GSE1: variants seen among roughly 807,000 people sequenced by gnomAD.
GSE1 encodes the protein Gse1 coiled-coil protein.
GSE1 carries 32 observed loss-of-function variants against 112.6 expected under a neutral mutation model. The ratio of observed to expected loss-of-function variants is 0.28; its 90% CI spans 0.21 to 0.38. GSE1 has a LOEUF of 0.38. Among genes scored for constraint, GSE1 ranks in the 10% least tolerant of loss-of-function variants. The probability of loss-of-function intolerance (pLI) is 1.00; values close to 1 mark genes in which losing one functional copy is unlikely to be tolerated. For synonymous variants in GSE1, 1,115 were observed against 735.6 expected, an observed-to-expected ratio of 1.52 and a Z score of -8.35; for missense variants, 2,348 against 1,699.2, an observed-to-expected ratio of 1.38 and a Z score of -6.71.
At chr16:85,487,434 C>T (rs916020548) in intron 2 of GSE1, among the ~76,000 whole-genome samples, 4 of 152,170 alleles carry the variant, frequency 2.6e-5, no homozygotes, top group African/African-American at 9.7e-5. Flanking sequence ...GCATGGTCTA[C>T]GTTCGCACCT....
chr16:85,203,141 C>T (rs1408774341), intron 1 of GSE1, among the ~76,000 whole-genome samples: 2 of 152,194 alleles, frequency 1.3e-5, no homozygotes, highest in African/African-American at 4.8e-5. Flanking sequence ...GGTGCCTGTG[C>T]TCTGAGCTCA....
intron 1 of GSE1, among the ~76,000 whole-genome samples, chr16:85,571,644 A>C (rs2045985209): frequency 6.6e-6 from 1 of 152,204 alleles, no homozygotes; most frequent in African/African-American, 2.4e-5. Context: ...AGGGACCTGG[A>C]GCAGGGACCT....
At chr16:85,369,744 A>T (rs1421074557) in intron 2 of GSE1, among the ~76,000 whole-genome samples, 1 of 151,730 alleles carries the variant, frequency 6.6e-6, no homozygotes. Context: ...AGCCTAACAC[A>T]CTCTCCCTGG....
At chr16:85,435,166 G>A (rs1460225401) in intron 2 of GSE1, among the ~76,000 whole-genome samples, 3 of 152,236 alleles carry the variant, frequency 2.0e-5, no homozygotes, top group Non-Finnish European at 4.4e-5. Context: ...GGCAGGCTGA[G>A]ATGTGGCAGC....
At position 85,294,244 on chromosome 16, in the gene GSE1, T is replaced by C. The variant is rs544172224; in HGVS notation, c.2284-63219T>C. On this transcript the variant is annotated intron_variant, in intron 1 of 2. Coordinates refer to the GSE1 transcript ENST00000637419. ...AAAACCTGATGCTTCCTTTAGACTT[T>C]CAGGGCATATGGCTCCAGTCAGAGT... Among the ~76,000 whole-genome samples the C allele has an allele frequency of 2.9e-4, 44 of 152,330 alleles. 1 individual carries two copies. The highest frequency in any genetic ancestry group is 5.4e-4 in the Non-Finnish European group (37 of 68,026).
chr16:85,249,388 C>T lies in GSE1; in HGVS notation c.2283+77581C>T, dbSNP rs903749353. ...GAGGACTGTGGCACTTGCGGAGGCC[C>T]AGTCGGGCCAGCACTCTGTGGGCCT... On this transcript the variant is annotated intron_variant, in intron 1 of 2. Transcript: ENST00000637419. 3.3e-5 allele frequency among the ~76,000 whole-genome samples: 5 copies of T among 152,232 alleles called. No homozygotes were observed. In the East Asian group the frequency reaches 9.6e-4, roughly 29 times the overall value.
chr16:85,554,819 C>A (rs1463345971), upstream of GSE1: 6 of 940,100 alleles, frequency 6.4e-6, no homozygotes, highest in African/African-American at 1.8e-5. Flanking sequence ...GGGCGGGCGG[C>A]CAGAGCGCGG....
At chr16:85,228,369 G>A (rs894617731) in intron 1 of GSE1, among the ~76,000 whole-genome samples, 1 of 152,186 alleles carries the variant, frequency 6.6e-6, no homozygotes, top group Non-Finnish European at 1.5e-5. Flanking sequence ...TACAGGATTA[G>A]ATAGGAGGGA....
At chr16:85,627,684 C>T (rs1386765712) in intron 1 of GSE1, among the ~76,000 whole-genome samples, 2 of 152,264 alleles carry the variant, frequency 1.3e-5, no homozygotes, top group Non-Finnish European at 2.9e-5. Context: ...CCCCCGGCCC[C>T]CCGGCCCTCA....
At chr16:85,478,839 T>TTTTCTTTCTTTC (rs59687856) in intron 2 of GSE1, among the ~76,000 whole-genome samples, 2 of 102,652 alleles carry the variant, frequency 1.9e-5, no homozygotes, top group Non-Finnish European at 4.0e-5. Context: ...CGCTCATTTA[T>TTTTCTTTCTTTC]TTTCTTTCTT....
At chr16:85,502,187 CA>C (rs1023990045) in intron 2 of GSE1, among the ~76,000 whole-genome samples, 1 of 152,178 alleles carries the variant, frequency 6.6e-6, no homozygotes, top group Non-Finnish European at 1.5e-5. Context: ...TTGGGACAGC[CA>C]GGGGGACCAT....
intron 1 of GSE1, among the ~76,000 whole-genome samples, chr16:85,630,190 C>A (rs372322266): frequency 6.6e-6 from 1 of 152,188 alleles, no homozygotes; most frequent in African/African-American, 2.4e-5. Flanking sequence ...TGGAGTGACC[C>A]AAGAGGGCCA....
intron 14 of GSE1, among the ~76,000 whole-genome samples, chr16:85,669,009 T>C (rs1483637911): frequency 6.6e-6 from 1 of 152,180 alleles, no homozygotes; most frequent in African/African-American, 2.4e-5. Context: ...ACACCAACCC[T>C]CCTGGGAAGC....
intron 2 of GSE1, among the ~76,000 whole-genome samples, chr16:85,398,644 C>T (rs187521850): frequency 1.3e-5 from 2 of 152,232 alleles, no homozygotes; most frequent in Admixed American, 6.5e-5. Context: ...TCAGTTTCCC[C>T]AGCTATAAAG....
At chr16:85,586,611 C>T (rs926548732) in intron 1 of GSE1, among the ~76,000 whole-genome samples, 1 of 152,220 alleles carries the variant, frequency 6.6e-6, no homozygotes, top group South Asian at 2.1e-4. Context: ...GCTCCTACAA[C>T]GTGCTCACGG....
Position 85,354,037 on chromosome 16 carries a change from C to A in GSE1, c.2284-3426C>A, listed in dbSNP as rs148568835. On this transcript the variant is annotated intron_variant, in intron 1 of 2. Coordinates refer to the GSE1 transcript ENST00000637419. Reference sequence around the variant, plus strand: ...CACCTGGAATGCTGTCCCTCCTGTTCCCACTCCCTTTCAAATCCTACTCCT... The same window carrying A: ...CACCTGGAATGCTGTCCCTCCTGTTACCACTCCCTTTCAAATCCTACTCCT... Among the ~76,000 whole-genome samples, 393 of 152,342 alleles carry A rather than the reference C, an allele frequency of 2.6e-3. 4 individuals are homozygous for A. Among genetic ancestry groups the A allele is most frequent in the African/African-American group, 9.3e-3 (385 of 41,574 alleles).
In GSE1 at chr16:85,530,010, C is replaced by A. The variant is rs569131264; in HGVS notation, c.2465-103904C>A. On this transcript the variant is annotated intron_variant, in intron 2 of 2. Coordinates refer to the GSE1 transcript ENST00000637419. ...CAGCCTGCTGTTCCCCTTTGCCCAG[C>A]CCCTTGTGCAGTGCACAACCTGCCC... Among the ~76,000 whole-genome samples, 3 of 152,318 alleles carry A rather than the reference C, an allele frequency of 2.0e-5. No homozygotes were observed. In the South Asian group the frequency reaches 6.2e-4, roughly 32 times the overall value.
rs1359195969 is a variant in GSE1 at position 85,676,171 on chromosome 16, A to T, written c.*3632A>T. 1 of 152,648 alleles carries T rather than the reference A, an allele frequency of 6.6e-6. No individual in the cohort carries two copies. Among genetic ancestry groups the T allele is most frequent in the African/African-American group, 2.4e-5 (1 of 41,464 alleles). The allele number at this position is 152,648 out of a possible 1,614,324, so 9.5% of individuals were successfully genotyped here. On this transcript the variant is annotated 3_prime_UTR_variant, in exon 16 of 16. Transcript: ENST00000253458. ...GAATATATTGCTGTAATTTCTGACA[A>T]CATCCAAAAAATAAAATCTTCCTAA... is the stretch of plus-strand genomic sequence containing the variant.
At chr16:85,538,726 C>T (rs529054075) in intron 2 of GSE1, among the ~76,000 whole-genome samples, 8 of 152,326 alleles carry the variant, frequency 5.3e-5, no homozygotes, top group African/African-American at 1.4e-4. Context: ...CCAGACCAAC[C>T]AGCTCTTGGA....
Sources: gnomAD v4.1 joint callset for allele counts (sites outside exome capture counted in the v4.1 genomes callset) on GRCh38, gnomAD v4.1.1 for gene constraint, MANE v1.5 for transcripts, NCBI Gene and HGNC (gene_info 2026-07-23, HGNC 2026-07-21) for gene names.